The following PTPRN2 variants were observed in gnomAD, a reference collection of about 807,000 sequenced individuals.
PTPRN2 encodes receptor-type tyrosine-protein phosphatase N2.
Under a neutral mutation model 118.8 loss-of-function variants are expected in PTPRN2, and 74 were observed. That is an observed-to-expected ratio of 0.62 (90% CI 0.52 to 0.76). PTPRN2 has a LOEUF of 0.76. PTPRN2 is among the 30% of genes least tolerant of loss of function. PTPRN2 has a pLI of 0.00. For synonymous variants in PTPRN2, 641 were observed against 608.0 expected, an observed-to-expected ratio of 1.05 and a Z score of -0.80; for missense variants, 1,481 against 1,394.4, an observed-to-expected ratio of 1.06 and a Z score of -0.99.
chr7:157,760,231 A>ATCTT (rs1300037260), intron 12 of PTPRN2, among the ~76,000 whole-genome samples: 1 of 151,928 alleles, frequency 6.6e-6, no homozygotes, highest in East Asian at 1.9e-4. Context: ...CCTGCCCCAA[A>ATCTT]TCTTACAGCT....
chr7:157,693,676 G>A (rs958181595), intron 12 of PTPRN2, among the ~76,000 whole-genome samples: 1 of 152,122 alleles, frequency 6.6e-6, no homozygotes, highest in African/African-American at 2.4e-5. Context: ...GTCGCCTCGG[G>A]GAGCTCCCGG....
intron 12 of PTPRN2, among the ~76,000 whole-genome samples, chr7:157,777,022 TCTC>T (rs1187924427): frequency 4.6e-5 from 6 of 131,526 alleles, no homozygotes; most frequent in African/African-American, 1.7e-4. Context: ...TCCTCTTCCC[TCTC>T]CTCCTCCTCC....
At chr7:157,747,095 T>C (rs1391781114) in intron 12 of PTPRN2, among the ~76,000 whole-genome samples, 1 of 140,974 alleles carries the variant, frequency 7.1e-6, no homozygotes, top group Non-Finnish European at 1.5e-5. Flanking sequence ...ATCTCTGAGC[T>C]GTGGGCTGTT....
intron 12 of PTPRN2, among the ~76,000 whole-genome samples, chr7:157,776,383 TCTCCTCCTCCTCCATCTCCTC>T (rs1272791136): frequency 4.0e-5 from 2 of 49,412 alleles, no homozygotes; most frequent in African/African-American, 8.3e-5. Flanking sequence ...TCTTCCTCAC[TCTCCTCCTCCTCCATCTCCTC>T]CTCCTCCTCC....
chr7:157,690,127 G>T lies in PTPRN2; in HGVS notation c.1789-7190C>A, dbSNP rs1052987307. 6.6e-6 allele frequency among the ~76,000 whole-genome samples: 1 copy of T among 152,212 alleles called. No homozygotes were observed. Among genetic ancestry groups the T allele is most frequent in the East Asian group, 1.9e-4 (1 of 5,170 alleles). Reference sequence around the variant, plus strand: ...AGAGCGCTGGGGAGAAGTCCCGGAGGTCCTAGACTCCTTGGGGCGGTCTCT... The same window carrying T: ...AGAGCGCTGGGGAGAAGTCCCGGAGTTCCTAGACTCCTTGGGGCGGTCTCT... On this transcript the variant is annotated intron_variant, in intron 12 of 22. Coordinates refer to ENST00000389418, the MANE Select transcript of PTPRN2 (RefSeq NM_002847.5). The surrounding 1 kb of genome is among the most constrained non-coding windows in gnomAD (Gnocchi z 7.1).
chr7:158,362,233 C>T (rs528839687), intron 2 of PTPRN2, among the ~76,000 whole-genome samples: 231 of 152,332 alleles, frequency 1.5e-3, no homozygotes, highest in Non-Finnish European at 2.4e-3. Context: ...CAGAAGAGGC[C>T]GCCCCTGCCC....
At chr7:157,710,148 A>C (rs1798530461) in intron 12 of PTPRN2, among the ~76,000 whole-genome samples, 1 of 152,178 alleles carries the variant, frequency 6.6e-6, no homozygotes, top group Admixed American at 6.5e-5. Context: ...CCCACAGGGC[A>C]CTTGGGTTAT....
In PTPRN2 at chr7:158,223,341, C is replaced by T. The variant is rs533051327; in HGVS notation, c.278-18068G>A. Among the ~76,000 whole-genome samples, 4 of 152,108 alleles carry T rather than the reference C, an allele frequency of 2.6e-5. 1 individual carries two copies. The highest frequency in any genetic ancestry group is 7.2e-5 in the African/African-American group (3 of 41,510). On this transcript the variant is annotated intron_variant, in intron 3 of 22. Transcript: ENST00000389418. ...TTATTTTATGTAGCTAATATTAACCCGATACCAAAAGCAAACAAAGACAGT... is the reference window on the plus strand; with the variant it reads ...TTATTTTATGTAGCTAATATTAACCTGATACCAAAAGCAAACAAAGACAGT...
chr7:158,370,620 T>C (rs1407727282), intron 2 of PTPRN2, among the ~76,000 whole-genome samples: 3 of 150,580 alleles, frequency 2.0e-5, no homozygotes, highest in Non-Finnish European at 4.4e-5. Context: ...GGCGTGGTGG[T>C]GGGCACCTGT....
At chr7:158,482,983 C>T (rs1163120838) in intron 2 of PTPRN2, among the ~76,000 whole-genome samples, 2 of 152,200 alleles carry the variant, frequency 1.3e-5, no homozygotes, top group Non-Finnish European at 2.9e-5. Flanking sequence ...TCCCTATGCC[C>T]AGAGGGGAAT....
intron 14 of PTPRN2, among the ~76,000 whole-genome samples, chr7:157,626,947 A>G (rs1189257961): frequency 6.6e-6 from 1 of 152,238 alleles, no homozygotes; most frequent in Non-Finnish European, 1.5e-5. Context: ...GTAACTCATG[A>G]CAGACAGGTG....
In PTPRN2 at chr7:158,120,432, A is replaced by T. The variant is rs77075126; in HGVS notation, c.1557-9517T>A. ...ACCATGACGTGTGGCTGCTCCCCAC[A>T]TCCAAGGCAGTGTACCAGCCTTCGT... On this transcript the variant is annotated intron_variant, in intron 9 of 22. Transcript: ENST00000389418. Among the ~76,000 whole-genome samples the T allele has an allele frequency of 5.1e-3, 781 of 152,264 alleles. 26 individuals are homozygous for T. In the East Asian group the frequency reaches 0.099, roughly 19 times the overall value.
At chr7:158,341,908 A>T (rs1367806598) in intron 2 of PTPRN2, among the ~76,000 whole-genome samples, 3 of 121,186 alleles carry the variant, frequency 2.5e-5, no homozygotes, top group African/African-American at 9.9e-5. Flanking sequence ...ATGAGCTGAC[A>T]CCTGCAGACG....
chr7:158,376,523 A>AG (rs1163986289), intron 2 of PTPRN2, among the ~76,000 whole-genome samples: 1 of 92,204 alleles, frequency 1.1e-5, no homozygotes, highest in Non-Finnish European at 2.2e-5. Flanking sequence ...ACGTCCTGAG[A>AG]GGGGGGTCAG....
intron 22 of PTPRN2, among the ~76,000 whole-genome samples, chr7:157,541,187 T>G (rs1160679842): frequency 3.3e-5 from 5 of 152,156 alleles, no homozygotes; most frequent in Non-Finnish European, 7.3e-5. Context: ...GAGGGGCAGG[T>G]GCAGACACTA....
intron 6 of PTPRN2, among the ~76,000 whole-genome samples, chr7:158,145,071 C>T (rs560682491): frequency 4.5e-5 from 5 of 111,718 alleles, no homozygotes; most frequent in Admixed American, 1.8e-4. Context: ...CACATCATCG[C>T]GAGAAGGTTC....
At chr7:158,414,088 A>AAAAAC (rs61405192) in intron 2 of PTPRN2, among the ~76,000 whole-genome samples, 13 of 151,350 alleles carry the variant, frequency 8.6e-5, no homozygotes, top group African/African-American at 2.9e-4. Flanking sequence ...AAAAAAAAAA[A>AAAAAC]AAGGAAGCAA....
intron 3 of PTPRN2, among the ~76,000 whole-genome samples, chr7:158,286,793 G>A (rs1563090475): frequency 1.3e-5 from 2 of 152,166 alleles, no homozygotes; most frequent in South Asian, 2.1e-4. Flanking sequence ...GTTCATCAGG[G>A]ATTTTGGCCT....
intron 11 of PTPRN2, among the ~76,000 whole-genome samples, chr7:157,943,839 G>A (rs757715167): frequency 2.8e-4 from 42 of 152,198 alleles, no homozygotes; most frequent in Non-Finnish European, 4.7e-4. Context: ...CAGGAAGATG[G>A]AAGTTCACAG....
Sources: allele counts gnomAD v4.1 joint callset (sites outside exome capture counted in the v4.1 genomes callset), GRCh38; gene constraint gnomAD v4.1.1; non-coding constraint Gnocchi (gnomAD v3.1); transcripts MANE v1.5; gene names NCBI Gene and HGNC (gene_info 2026-07-23, HGNC 2026-07-21).